The following PICALM variants were observed in gnomAD, a reference collection of about 807,000 sequenced individuals.
The protein encoded by PICALM is phosphatidylinositol binding clathrin assembly protein, also known as phosphatidylinositol-binding clathrin assembly protein.
A neutral mutation model predicts 80.5 loss-of-function variants in PICALM; 40 were observed. That is an observed-to-expected ratio of 0.50 (90% CI 0.39 to 0.65). PICALM has a LOEUF of 0.65. Among genes scored for constraint, PICALM ranks in the 30% least tolerant of loss-of-function variants. The pLI, the probability that PICALM is intolerant of heterozygous loss-of-function variation, is 0.00. For synonymous variants in PICALM, 288 were observed against 260.3 expected, an observed-to-expected ratio of 1.11 and a Z score of -1.02; for missense variants, 676 against 778.9, an observed-to-expected ratio of 0.87 and a Z score of 1.57.
At chr11:86,064,158 T>C (rs2096410240) in intron 1 of PICALM, among the ~76,000 whole-genome samples, 1 of 152,238 alleles carries the variant, frequency 6.6e-6, no homozygotes. Flanking sequence ...ATTCTACATA[T>C]GCAAAATATT....
chr11:86,048,039 T>A (rs2096107445), intron 1 of PICALM, among the ~76,000 whole-genome samples: 1 of 151,884 alleles, frequency 6.6e-6, no homozygotes, highest in East Asian at 1.9e-4. Flanking sequence ...AGGCAGAGGC[T>A]GCAGTGAGCC....
intron 1 of PICALM, among the ~76,000 whole-genome samples, chr11:86,063,872 T>C (rs897315543): frequency 1.3e-5 from 2 of 151,856 alleles, no homozygotes; most frequent in Non-Finnish European, 2.9e-5. Context: ...AACAAGATCC[T>C]TTTGGAAAAA....
chr11:86,046,970 T>C (rs1363106433), intron 1 of PICALM, among the ~76,000 whole-genome samples: 1 of 152,228 alleles, frequency 6.6e-6, no homozygotes, highest in African/African-American at 2.4e-5. Flanking sequence ...AATTCTTTCA[T>C]ATCCTTAGTC....
intron 19 of PICALM, chr11:85,960,583 A>C (rs2093656561): frequency 1.9e-6 from 1 of 520,096 alleles, no homozygotes; most frequent in Non-Finnish European, 3.5e-6. Context: ...AGAGTCCTTT[A>C]AAGAAATGAA....
At chr11:86,040,760 C>A (rs985354492) in intron 1 of PICALM, among the ~76,000 whole-genome samples, 5 of 152,100 alleles carry the variant, frequency 3.3e-5, no homozygotes, top group African/African-American at 1.2e-4. Context: ...TTAAGTGAGA[C>A]ACAGGATGAA....
intron 1 of PICALM, among the ~76,000 whole-genome samples, chr11:86,044,837 A>G (rs1400114021): frequency 6.6e-6 from 1 of 152,218 alleles, no homozygotes; most frequent in East Asian, 1.9e-4. Flanking sequence ...ACTCCTTATG[A>G]GAATCTAATG....
In PICALM at chr11:85,957,857, G is replaced by GTT. The variant is rs1565174103; in HGVS notation, c.*1187_*1188dup. On this transcript the variant is annotated 3_prime_UTR_variant, in exon 20 of 20. Transcript: ENST00000393346. Reference sequence around the variant, plus strand: ...TCTTAAGGCCCCTCTCCACCCAAATGTTAAAGATGTATTTACACAAAGCAC... The same window carrying GTT: ...TCTTAAGGCCCCTCTCCACCCAAATGTTTTAAAGATGTATTTACACAAAGCAC... The GTT allele has an allele frequency of 8.9e-6, 2 of 223,884 alleles. No individual in the cohort carries two copies. The highest frequency in any genetic ancestry group is 1.8e-5 in the Non-Finnish European group (2 of 111,930). 13.9% of individuals were successfully genotyped at this position (223,884 alleles called of 1,614,324 possible).
intron 8 of PICALM, 46 bp from the exon 9 acceptor site, chr11:86,003,497 G>T (rs745925499): frequency 2.4e-6 from 3 of 1,228,292 alleles, no homozygotes; most frequent in Non-Finnish European, 3.5e-6. Context: ...TTAGGCCACT[G>T]GTCAAATTAA....
Position 86,009,114 on chromosome 11 carries a change from G to A in PICALM, c.766-1531C>T, listed in dbSNP as rs569357698. 1.2e-3 allele frequency among the ~76,000 whole-genome samples: 186 copies of A among 150,984 alleles called. 1 individual carries two copies. Among genetic ancestry groups the A allele is most frequent in the Non-Finnish European group, 2.1e-3 (140 of 67,738 alleles). On this transcript the variant is annotated intron_variant, in intron 7 of 19. Coordinates refer to ENST00000393346, the MANE Select transcript of PICALM (RefSeq NM_007166.4). ...GAGGTCAGGAGTTCCAGATTAGCCC[G>A]GCCAACATGGTGAAACCTCATCTCT...
intron 19 of PICALM, among the ~76,000 whole-genome samples, chr11:85,967,609 T>C (rs989249496): frequency 6.6e-6 from 1 of 152,182 alleles, no homozygotes; most frequent in South Asian, 2.1e-4. Flanking sequence ...GCACAACACA[T>C]TGCTTACAAG....
At chr11:86,030,088 C>T (rs682928) in intron 2 of PICALM, among the ~76,000 whole-genome samples, 109,505 of 152,076 alleles carry the variant, frequency 0.72, 40,014 homozygotes, top group African/African-American at 0.87. Flanking sequence ...GTGAACTATA[C>T]GATCAATTAC....
chr11:85,994,358 T>C (rs936393776), intron 12 of PICALM, among the ~76,000 whole-genome samples: 7 of 152,194 alleles, frequency 4.6e-5, no homozygotes, highest in Non-Finnish European at 1.0e-4. Flanking sequence ...TGTTCTCCCA[T>C]TTTCATTCTA....
chr11:86,013,610 TTATTA>T (rs935317110), intron 5 of PICALM, among the ~76,000 whole-genome samples: 18 of 152,168 alleles, frequency 1.2e-4, no homozygotes, highest in African/African-American at 4.3e-4. Context: ...AGATAAATTG[TTATTA>T]TATAACAAAG....
chr11:86,024,922 A>G (rs889541265), intron 3 of PICALM, among the ~76,000 whole-genome samples: 3 of 152,064 alleles, frequency 2.0e-5, no homozygotes, highest in Non-Finnish European at 4.4e-5. Context: ...CTCTAAAGAC[A>G]TTTCCCTGAT....
At chr11:86,060,982 T>C (rs931410415) in intron 1 of PICALM, among the ~76,000 whole-genome samples, 1 of 152,124 alleles carries the variant, frequency 6.6e-6, no homozygotes, top group Admixed American at 6.5e-5. Context: ...TGAAAGGCAT[T>C]GTCAAGAGAA....
chr11:85,977,495 G>C (rs562616290), intron 17 of PICALM, among the ~76,000 whole-genome samples: 3 of 152,048 alleles, frequency 2.0e-5, no homozygotes, highest in African/African-American at 7.2e-5. Context: ...ATTGAATAAA[G>C]GTGAAAGACC....
intron 18 of PICALM, among the ~76,000 whole-genome samples, chr11:85,975,592 C>CTTTTTTTTTTT (rs11407535): frequency 1.1e-5 from 1 of 89,642 alleles, no homozygotes; most frequent in Admixed American, 1.7e-4. Context: ...TCTCAGCAGA[C>CTTTTTTTTTTT]TTTTTTTTTT....
intron 2 of PICALM, among the ~76,000 whole-genome samples, chr11:86,030,072 A>T (rs1484959769): frequency 6.6e-6 from 1 of 152,330 alleles, no homozygotes; most frequent in African/African-American, 2.4e-5. Context: ...AAATAGTTTA[A>T]AAATTGTGAA....
chr11:86,006,204 T>C (rs1592814186), intron 8 of PICALM, among the ~76,000 whole-genome samples: 1 of 152,220 alleles, frequency 6.6e-6, no homozygotes, highest in South Asian at 2.1e-4. Flanking sequence ...ATAAAGCCAA[T>C]TTATTTCAAG....
Sources: gnomAD v4.1 joint callset for allele counts (sites outside exome capture counted in the v4.1 genomes callset) on GRCh38, gnomAD v4.1.1 for gene constraint, MANE v1.5 for transcripts, NCBI Gene and HGNC (gene_info 2026-07-23, HGNC 2026-07-21) for gene names.